The following EPB41 variants were observed in gnomAD, a reference collection of about 807,000 sequenced individuals.
The protein encoded by EPB41 is protein 4.1.
In EPB41, 65 loss-of-function variants were observed where a neutral mutation model predicts 108.0. The ratio of observed to expected loss-of-function variants is 0.60; its 90% confidence interval spans 0.49 to 0.74. The LOEUF is 0.74. EPB41 is among the 30% of genes least tolerant of loss of function. EPB41 has a pLI of 0.00. For missense variants in EPB41, 875 were observed against 1,037.0 expected (o/e 0.84, Z 2.15); for synonymous variants, 336 against 358.9 (o/e 0.94, Z 0.72).
intron 11 of EPB41, among the ~76,000 whole-genome samples, chr1:29,042,722 G>A (rs1488426007): frequency 6.6e-6 from 1 of 151,252 alleles, no homozygotes; most frequent in African/African-American, 2.4e-5. Context: ...CAAGTAATCT[G>A]CCTGCCTCAG....
At chr1:28,982,069 G>A (rs1302647336) in intron 1 of EPB41, among the ~76,000 whole-genome samples, 1 of 148,070 alleles carries the variant, frequency 6.8e-6, no homozygotes, top group South Asian at 2.3e-4. Flanking sequence ...GACAGTCCCC[G>A]GTGTGTGATG....
At chr1:28,971,761 T>G (rs1036553969) in intron 1 of EPB41, among the ~76,000 whole-genome samples, 2 of 152,230 alleles carry the variant, frequency 1.3e-5, no homozygotes, top group Non-Finnish European at 2.9e-5. Flanking sequence ...ACATTAGCAC[T>G]GCGTAGTAAT....
chr1:28,923,758 A>G (rs2093280829), intron 1 of EPB41, among the ~76,000 whole-genome samples: 1 of 152,252 alleles, frequency 6.6e-6, no homozygotes, highest in African/African-American at 2.4e-5. Flanking sequence ...TAATTGCATA[A>G]TGATCATAGA....
At position 29,105,993 on chromosome 1, in the gene EPB41, A is replaced by G. The variant is rs759434322; in HGVS notation, c.2314-3343A>G. Among the ~76,000 whole-genome samples, 3 of 151,860 alleles carry G rather than the reference A, an allele frequency of 2.0e-5. No individual in the cohort carries two copies. The South Asian group carries it at 6.2e-4, about 32-fold the overall frequency. ...TCAAACTCCTGACCTCAGGCAATCC[A>G]CCTGCCTCGGCCTCCCACAGTGCTG... On this transcript the variant is annotated intron_variant, in intron 17 of 20. Coordinates refer to ENST00000343067, the MANE Select transcript of EPB41 (RefSeq NM_001376013.1).
intron 1 of EPB41, chr1:28,982,299 G>T (rs1005665115): frequency 6.9e-6 from 4 of 579,608 alleles, no homozygotes; most frequent in African/African-American, 3.8e-5. Context: ...GCTTCTGGAA[G>T]AACTACTTGT....
intron 2 of EPB41, among the ~76,000 whole-genome samples, chr1:28,989,768 A>C (rs1411138861): frequency 1.3e-5 from 2 of 152,186 alleles, no homozygotes; most frequent in African/African-American, 4.8e-5. Context: ...TCCTCTGTAC[A>C]ATGGGGATAA....
At chr1:29,061,598 T>TTTTTTTTTTTG (rs1646582569) in intron 15 of EPB41, among the ~76,000 whole-genome samples, 2 of 145,168 alleles carry the variant, frequency 1.4e-5, no homozygotes, top group African/African-American at 5.2e-5. Context: ...TTTTTTTTTT[T>TTTTTTTTTTTG]GAGGCGGGTC....
intron 4 of EPB41, among the ~76,000 whole-genome samples, chr1:29,007,823 C>T (rs1325146523): frequency 6.6e-6 from 1 of 152,074 alleles, no homozygotes; most frequent in Admixed American, 6.6e-5. Flanking sequence ...CAAGTTTCCC[C>T]CTTTATTTTC....
chr1:29,070,548 G>A (rs893114754), intron 16 of EPB41: 2 of 1,231,956 alleles, frequency 1.6e-6, no homozygotes, highest in African/African-American at 1.6e-5. Flanking sequence ...CCATCTCCTC[G>A]TATTCCTTTC....
intron 16 of EPB41, among the ~76,000 whole-genome samples, chr1:29,090,563 C>A (rs1353663057): frequency 6.6e-6 from 1 of 152,064 alleles, no homozygotes; most frequent in African/African-American, 2.4e-5. Context: ...CCAGCCTGAC[C>A]AACATGGAGA....
At chr1:28,942,733 T>C (rs1322537053) in intron 1 of EPB41, among the ~76,000 whole-genome samples, 1 of 152,154 alleles carries the variant, frequency 6.6e-6, no homozygotes, top group East Asian at 1.9e-4. Flanking sequence ...TCCCTGGAGA[T>C]TGTGTGGTGG....
intron 7 of EPB41, among the ~76,000 whole-genome samples, chr1:29,028,402 T>C (rs967755009): frequency 3.9e-5 from 6 of 152,208 alleles, no homozygotes; most frequent in Non-Finnish European, 7.3e-5. Flanking sequence ...TAATAACTAT[T>C]CATGTCTATA....
rs867583734 is a variant in EPB41 at position 29,094,485 on chromosome 1, A to G, written c.2185-3322A>G. Among the ~76,000 whole-genome samples the G allele has an allele frequency of 1.6e-4, 25 of 152,120 alleles. 1 individual carries two copies. In the East Asian group the frequency reaches 4.6e-3, roughly 28 times the overall value. Reference sequence around the variant, plus strand: ...GAGGCAAGGTTTTGCCACGTTGGCCAGGGTGGTCTCAAACTCCTGACCTCA... The same window carrying G: ...GAGGCAAGGTTTTGCCACGTTGGCCGGGGTGGTCTCAAACTCCTGACCTCA... On this transcript the variant is annotated intron_variant, in intron 16 of 20. Transcript: ENST00000343067.
At chr1:29,034,411 C>G (rs1638583604) in intron 9 of EPB41, among the ~76,000 whole-genome samples, 1 of 152,124 alleles carries the variant, frequency 6.6e-6, no homozygotes, top group South Asian at 2.1e-4. Context: ...ATTGTGGCAG[C>G]AGTAGATGAT....
chr1:29,007,774 T>A (rs2096432256), intron 4 of EPB41, among the ~76,000 whole-genome samples: 1 of 152,202 alleles, frequency 6.6e-6, no homozygotes, highest in Non-Finnish European at 1.5e-5. Context: ...ACTTCTCAGC[T>A]CTTTGTTCTC....
At chr1:29,052,603 A>G (rs541042872) in intron 11 of EPB41, among the ~76,000 whole-genome samples, 1 of 152,340 alleles carries the variant, frequency 6.6e-6, no homozygotes, top group Admixed American at 6.5e-5. Context: ...CCATTTATCA[A>G]GTTATTTTGT....
chr1:29,010,730 G>A (rs75147582), intron 4 of EPB41, among the ~76,000 whole-genome samples: 1,833 of 152,272 alleles, frequency 0.012, 38 homozygotes, highest in African/African-American at 0.039. Context: ...CAAGATTGGC[G>A]TGGGCAAGAG....
chr1:29,019,304 C>T (rs187407935), intron 7 of EPB41, among the ~76,000 whole-genome samples: 38 of 152,128 alleles, frequency 2.5e-4, no homozygotes, highest in Middle Eastern at 3.4e-3. Context: ...TGGCAAGTAG[C>T]TGAGGTAGAA....
At chr1:28,974,768 C>T (rs551390334) in intron 1 of EPB41, among the ~76,000 whole-genome samples, 1 of 151,438 alleles carries the variant, frequency 6.6e-6, no homozygotes, top group East Asian at 1.9e-4. Context: ...ATTAATCTCT[C>T]TTCTCTATTT....
Sources: allele counts gnomAD v4.1 joint callset (sites outside exome capture counted in the v4.1 genomes callset), GRCh38; gene constraint gnomAD v4.1.1; transcripts MANE v1.5; gene names NCBI Gene and HGNC (gene_info 2026-07-23, HGNC 2026-07-21).